Variants in DSP observed in about 807,000 individuals in gnomAD.
DSP encodes the protein 250/210 kDa paraneoplastic pemphigus antigen.
A neutral mutation model predicts 290.6 loss-of-function variants in DSP; 114 were observed. The ratio of observed to expected loss-of-function variants is 0.39; its 90% CI spans 0.34 to 0.46. The LOEUF (loss-of-function observed/expected upper bound fraction) is 0.46. Among genes scored for constraint, DSP ranks in the 20% least tolerant of loss-of-function variants. The pLI is 0.99. For missense variants in DSP, 3,230 were observed against 3,495.8 expected (o/e 0.92, Z 1.92); for synonymous variants, 1,311 against 1,316.4 (o/e 1.00, Z 0.09).
rs777901747 is a variant in DSP at position 7,584,230 on chromosome 6, T to C, written c.6968T>C (p.Ile2323Thr). 10 of 1,614,062 alleles carry C rather than the reference T, an allele frequency of 6.2e-6. No homozygotes were observed. The highest frequency in any genetic ancestry group is 1.7e-5 in the Admixed American group (1 of 60,000). The change falls in exon 24 of 24, where the codon ATT (isoleucine) becomes ACT (threonine). Residue 2323 changes from isoleucine (I) to threonine (T), a missense_variant. Ile to Thr is a moderately conservative substitution (Grantham distance 89). Around this residue, in one of 5 missense-constraint regions of DSP, gnomAD observed 207 missense variants for 281.2 expected, o/e 0.74. Transcript: ENST00000379802. The surrounding 1 kb of genome is among the most constrained non-coding windows in gnomAD (Gnocchi z 6.4). ...EEAYKRGLVG[I>T]EFKEKLLSAE... ...GCCTACAAGAGAGGTCTGGTGGGCA[T>C]TGAGTTCAAAGAGAAGCTCCTGTCT...
At chr6:7,567,556 C>A in intron 9 of DSP, 107 bp downstream of exon 9, 1 of 1,218,970 alleles carries the variant, frequency 8.2e-7, no homozygotes, top group Non-Finnish European at 1.2e-6. Flanking sequence ...TTGCATAAAT[C>A]CTCTTCATTG....
chr6:7,553,688 A>C (rs1165210789), intron 1 of DSP, among the ~76,000 whole-genome samples: 3 of 152,210 alleles, frequency 2.0e-5, no homozygotes, highest in African/African-American at 7.2e-5. Context: ...GCAGTATGAG[A>C]AACGGACCTC....
intron 17 of DSP, 136 bp from the exon 18 acceptor site, chr6:7,575,159 G>A (rs1057367889): frequency 1.2e-6 from 1 of 834,826 alleles, no homozygotes; most frequent in Non-Finnish European, 1.9e-6. Flanking sequence ...TATTTCCCTG[G>A]ATTGACTGTT....
chr6:7,550,255 A>T (rs1275409602), intron 1 of DSP, among the ~76,000 whole-genome samples: 1 of 148,180 alleles, frequency 6.7e-6, no homozygotes, highest in Non-Finnish European at 1.5e-5. Context: ...GGGTTTCGCC[A>T]TGTTGCCCAG....
At position 7,581,046 on chromosome 6, in the gene DSP, T is replaced by G. The variant is rs1348541237; in HGVS notation, c.4856T>G (p.Leu1619Arg). The G allele has an allele frequency of 3.7e-6, 6 of 1,613,934 alleles. No individual in the cohort carries two copies. Among genetic ancestry groups the G allele is most frequent in the Non-Finnish European group, 5.1e-6 (6 of 1,180,004 alleles). Residue 1619 changes from leucine to arginine, a missense_variant, in exon 23 of 24, where the codon CTG becomes CGG. By Grantham distance (102) the Leu-to-Arg change is moderately radical (BLOSUM62 -2). This residue lies in a region of DSP where 1,714 missense variants were observed against 1,844.5 expected (regional missense o/e 0.93). Coordinates refer to ENST00000379802, the MANE Select transcript of DSP (RefSeq NM_004415.4). ...AIKITNLTQQ[L>R]EQASIVKKRS... is the part of the protein sequence containing the mutation. ...AAAATCACCAACCTGACCCAGCAGC[T>G]GGAGCAGGCATCCATTGTTAAGAAG... is the stretch of plus-strand genomic sequence containing the variant.
At chr6:7,563,682 TTCTATAC>T (rs967650168) in intron 5 of DSP, 47 bp from the exon 6 acceptor site, 1 of 1,500,658 alleles carries the variant, frequency 6.7e-7, no homozygotes, top group African/African-American at 1.4e-5. Context: ...GGCCACTCTT[TTCTATAC>T]AATCCACAAG....
At chr6:7,563,700 G>A (rs1307135368) in intron 5 of DSP, 36 bp from the exon 6 acceptor site, 1 of 1,566,606 alleles carries the variant, frequency 6.4e-7, no homozygotes, top group African/African-American at 1.4e-5. Context: ...AATCCACAAG[G>A]GGATTTATAT....
rs1759074582 is a variant in DSP at position 7,572,071 on chromosome 6, A to G, written c.2130+3A>G. On this transcript the variant is annotated splice_donor_region_variant and intron_variant, in intron 15 of 23. Transcript: ENST00000379802. ...CAGTGAAAATTAACGAGCTTAAGGT[A>G]GGTATCTGCTAGTATTTTGCCTGGT... 6.2e-7 allele frequency: 1 copy of G among 1,612,050 alleles called. No individual in the cohort carries two copies. The highest frequency in any genetic ancestry group is 1.3e-5 in the African/African-American group (1 of 74,892).
rs922529747 is a variant in DSP at position 7,579,193 on chromosome 6, G to T, written c.3085-82G>T. The T allele has an allele frequency of 6.4e-7, 1 of 1,562,984 alleles. No individual in the cohort carries two copies. Among genetic ancestry groups the T allele is most frequent in the Non-Finnish European group, 8.7e-7 (1 of 1,149,962 alleles). On this transcript the variant is annotated intron_variant, in intron 22 of 23. Coordinates refer to ENST00000379802, the MANE Select transcript of DSP (RefSeq NM_004415.4). The surrounding 1 kb of genome is among the most constrained non-coding windows in gnomAD (Gnocchi z 4.1). Reference sequence around the variant, plus strand: ...TAAAGAGAAATAAGAATGCACATTGGTCTGGGAGGGGAAAAGTACTGCTTC... The same window carrying T: ...TAAAGAGAAATAAGAATGCACATTGTTCTGGGAGGGGAAAAGTACTGCTTC...
rs1757992558 is a variant in DSP, at chr6:7,541,971, G to A, written c.56G>A (p.Arg19His). The A allele has an allele frequency of 6.2e-7, 1 of 1,606,788 alleles. No homozygotes were observed. The highest frequency in any genetic ancestry group is 8.5e-7 in the Non-Finnish European group (1 of 1,177,720). Residue 19 changes from arginine (R) to histidine (H), a missense_variant, in exon 1 of 24, where the codon CGC (arginine) becomes CAC (histidine). Arg to His is a conservative substitution (Grantham distance 29). This residue lies in a region of DSP where 646 missense variants were observed against 684.3 expected (regional missense o/e 0.94). Transcript: ENST00000379802. Reference protein sequence around the residue: ...PRINTLGRMIRAESGPDLRYE... With the variant: ...PRINTLGRMIHAESGPDLRYE... Reference sequence around the variant, plus strand: ...ATCAACACTCTGGGCCGCATGATCCGCGCCGAGTCTGGCCCGGACCTGCGC... The same window carrying A: ...ATCAACACTCTGGGCCGCATGATCCACGCCGAGTCTGGCCCGGACCTGCGC...
At chr6:7,576,503 T>C (rs1424651187) in intron 19 of DSP, 47 bp downstream of exon 19, 4 of 1,608,850 alleles carry the variant, frequency 2.5e-6, no homozygotes, top group Non-Finnish European at 3.4e-6. Context: ...ATTAATTGGG[T>C]GTAATTCATG....
In DSP at chr6:7,542,002, G is replaced by A. The variant is rs774257234; in HGVS notation, c.87G>A (p.Glu29=). The change falls in exon 1 of 24, where the codon GAG becomes GAA. Residue 29 remains glutamate (E), a synonymous_variant. Coordinates refer to ENST00000379802, the MANE Select transcript of DSP (RefSeq NM_004415.4). ...RAESGPDLRY[E]VTSGGGGTSR... Reference sequence around the variant, plus strand: ...AGTCTGGCCCGGACCTGCGCTACGAGGTGACCAGCGGCGGCGGGGGCACCA... The same window carrying A: ...AGTCTGGCCCGGACCTGCGCTACGAAGTGACCAGCGGCGGCGGGGGCACCA... 3.8e-6 allele frequency: 6 copies of A among 1,595,190 alleles called. No homozygotes were observed. In the South Asian group the frequency reaches 5.7e-5, roughly 15 times the overall value.
Position 7,581,158 on chromosome 6 carries a change from G to C in DSP, c.4968G>C (p.Arg1656Ser). Residue 1656 changes from arginine (R) to serine (S), a missense_variant, in exon 23 of 24, where the codon AGG becomes AGC. Arg to Ser is a moderately radical substitution (Grantham distance 110). Around this residue, in one of 5 missense-constraint regions of DSP, gnomAD observed 1,714 missense variants for 1,844.5 expected, o/e 0.93. Coordinates refer to ENST00000379802, the MANE Select transcript of DSP (RefSeq NM_004415.4). Reference sequence around the variant, plus strand: ...AGAGGACCCAGGAAGAGCTGAGGAGGCTCTCTTCTGAGGTCGAGGCCCTGA... The same window carrying C: ...AGAGGACCCAGGAAGAGCTGAGGAGCCTCTCTTCTGAGGTCGAGGCCCTGA... Reference protein sequence around the residue: ...EKQRTQEELRRLSSEVEALRR... With the variant: ...EKQRTQEELRSLSSEVEALRR... 6.2e-7 allele frequency: 1 copy of C among 1,614,194 alleles called. No homozygotes were observed. Among genetic ancestry groups the C allele is most frequent in the African/African-American group, 1.3e-5 (1 of 75,060 alleles).
In DSP at chr6:7,575,608, C is replaced by G; in HGVS notation, c.2630+120C>G. 2 of 1,188,998 alleles carry G rather than the reference C, an allele frequency of 1.7e-6. 1 individual carries two copies. Among genetic ancestry groups the G allele is most frequent in the Non-Finnish European group, 2.4e-6 (2 of 822,676 alleles). The allele number at this position is 1,188,998 out of a possible 1,614,324, so 73.7% of individuals were successfully genotyped here. ...GGTTTTGTTTTTTGTGTAAGTTAGGCGTAACAGATGCTCTTTTCATGGACT... is the reference window on the plus strand; with the variant it reads ...GGTTTTGTTTTTTGTGTAAGTTAGGGGTAACAGATGCTCTTTTCATGGACT... On this transcript the variant is annotated intron_variant, in intron 18 of 23. Coordinates refer to ENST00000379802, the MANE Select transcript of DSP (RefSeq NM_004415.4).
chr6:7,556,815 T>C (rs10484325), intron 2 of DSP, among the ~76,000 whole-genome samples: 24,638 of 152,162 alleles, frequency 0.16, 2,217 homozygotes, highest in African/African-American at 0.2. Context: ...TTGTTTCGAG[T>C]GTCTGATTTG....
In DSP at chr6:7,565,876, G is replaced by A; in HGVS notation, c.939+356G>A. 2.7e-6 allele frequency: 1 copy of A among 374,124 alleles called. No homozygotes were observed. 23.2% of individuals were successfully genotyped at this position (374,124 alleles called of 1,614,324 possible). ...GAGGATCAGGCAAGATAACTAATGG[G>A]TACTAGGCTTAATCGTGGGTGATGA... On this transcript the variant is annotated intron_variant, in intron 7 of 23. Coordinates refer to ENST00000379802, the MANE Select transcript of DSP (RefSeq NM_004415.4). This position sits in a 1 kb window ranked among gnomAD's most constrained non-coding sequence, Gnocchi z 4.2.
In DSP at chr6:7,585,979, T is replaced by C. The variant is rs1759661350; in HGVS notation, c.*101T>C. 8.5e-7 allele frequency: 1 copy of C among 1,178,124 alleles called. No individual in the cohort carries two copies. Among genetic ancestry groups the C allele is most frequent in the African/African-American group, 1.5e-5 (1 of 66,070 alleles). The allele number at this position is 1,178,124 out of a possible 1,614,324, so 73.0% of individuals were successfully genotyped here. A position where few individuals can be genotyped will look rare whatever the true frequency, so the allele number is the denominator to read the frequency against. On this transcript the variant is annotated 3_prime_UTR_variant, in exon 24 of 24. Transcript: ENST00000379802. ...AATCCCGGTGCTTGCAGTAGAGTGATAGGACATTCTATGCTTACAGAAAAT... is the reference window on the plus strand; with the variant it reads ...AATCCCGGTGCTTGCAGTAGAGTGACAGGACATTCTATGCTTACAGAAAAT...
At chr6:7,548,182 G>A (rs11756882) in intron 1 of DSP, among the ~76,000 whole-genome samples, 9,069 of 151,898 alleles carry the variant, frequency 0.06, 412 homozygotes, top group Non-Finnish European at 0.091. Flanking sequence ...CAGAAGAATC[G>A]CTTGAACCCG....
intron 3 of DSP, among the ~76,000 whole-genome samples, chr6:7,558,507 CTT>C (rs145193988): frequency 8.6e-4 from 90 of 104,504 alleles, no homozygotes; most frequent in African/African-American, 2.3e-3. Flanking sequence ...TGGCATTTGA[CTT>C]TTTTTTTTTT....
Sources: allele counts gnomAD v4.1 joint callset (sites outside exome capture counted in the v4.1 genomes callset), GRCh38; gene constraint gnomAD v4.1.1; regional missense constraint gnomAD v4.1.1; non-coding constraint Gnocchi (gnomAD v3.1); transcripts MANE v1.5; gene names NCBI Gene and HGNC (gene_info 2026-07-23, HGNC 2026-07-21).